BBX: variants seen among roughly 807,000 people sequenced by gnomAD.
The protein encoded by BBX is HMG box transcription factor BBX.
Under a neutral mutation model 100.2 loss-of-function variants are expected in BBX, and 30 were observed. That is an observed-to-expected ratio of 0.30 (90% CI 0.22 to 0.41). BBX has a LOEUF of 0.41. Ranked by LOEUF, BBX falls within the 10% of genes least tolerant of loss-of-function variation. The pLI is 1.00. For missense variants in BBX, 1,023 were observed against 1,129.8 expected, an observed-to-expected ratio of 0.91 and a Z score of 1.35; for synonymous variants, 376 against 388.1, an observed-to-expected ratio of 0.97 and a Z score of 0.37.
chr3:107,687,377 G>A (rs573472798), intron 3 of BBX, among the ~76,000 whole-genome samples: 2 of 150,676 alleles, frequency 1.3e-5, no homozygotes, highest in Admixed American at 6.6e-5. Flanking sequence ...GTGAAGGCCC[G>A]CATAGCTGAT....
At chr3:107,799,688 C>T (rs1312714335) in intron 16 of BBX, among the ~76,000 whole-genome samples, 2 of 152,168 alleles carry the variant, frequency 1.3e-5, no homozygotes, top group African/African-American at 2.4e-5. Context: ...CTGGTTTAGA[C>T]CATGCAGGGA....
rs779581143 is a variant in BBX, at chr3:107,778,400, A to G, written c.2084A>G (p.Lys695Arg). The change falls in exon 13 of 18, where the codon AAA (lysine) becomes AGA (arginine). Residue 695 changes from lysine to arginine, a missense_variant. Lys to Arg is a conservative substitution (Grantham distance 26). Transcript: ENST00000325805. ...GSAKLDEEFE[K>R]KFNSLPQYSP... Reference sequence around the variant, plus strand: ...GCAAAGCTGGATGAAGAATTTGAAAAAAAATTCAACAGCCTCCCTCAATAT... The same window carrying G: ...GCAAAGCTGGATGAAGAATTTGAAAGAAAATTCAACAGCCTCCCTCAATAT... The G allele has an allele frequency of 5.3e-5, 85 of 1,613,332 alleles. No individual in the cohort carries two copies. The East Asian group carries it at 1.8e-3, about 34-fold the overall frequency.
chr3:107,588,253 G>A (rs1007435356), intron 2 of BBX, among the ~76,000 whole-genome samples: 7 of 151,876 alleles, frequency 4.6e-5, no homozygotes, highest in Admixed American at 4.6e-4. Flanking sequence ...CTTAGATGAT[G>A]GTTAGGCCTT....
At chr3:107,777,685 C>A (rs984922223) in intron 12 of BBX, among the ~76,000 whole-genome samples, 1 of 152,180 alleles carries the variant, frequency 6.6e-6, no homozygotes. Flanking sequence ...TTTCTGAAGT[C>A]ATTGATGATT....
chr3:107,707,419 A>G (rs2061456424), intron 3 of BBX, among the ~76,000 whole-genome samples: 1 of 152,224 alleles, frequency 6.6e-6, no homozygotes, highest in Admixed American at 6.5e-5. Flanking sequence ...AATTTGGCAC[A>G]GGAGTTTGTG....
chr3:107,584,687 T>A (rs1466502844), intron 2 of BBX, among the ~76,000 whole-genome samples: 1 of 115,532 alleles, frequency 8.7e-6, no homozygotes, highest in Non-Finnish European at 1.8e-5. Flanking sequence ...TTTTTTTTTT[T>A]TTTTTTTTTT....
At chr3:107,692,504 T>C (rs1046024835) in intron 3 of BBX, among the ~76,000 whole-genome samples, 7 of 152,192 alleles carry the variant, frequency 4.6e-5, no homozygotes, top group African/African-American at 1.4e-4. Context: ...TTCATCCATG[T>C]CCCTACAAAG....
chr3:107,737,884 GTTTTTTTTTT>G (rs1156396951), intron 7 of BBX, among the ~76,000 whole-genome samples: 528 of 48,926 alleles, frequency 0.011, 8 homozygotes, highest in Non-Finnish European at 0.015. Context: ...CAGAGTTCCA[GTTTTTTTTTT>G]TTTTTTTTTT....
At chr3:107,651,963 C>G (rs2057865071) in intron 3 of BBX, among the ~76,000 whole-genome samples, 1 of 152,170 alleles carries the variant, frequency 6.6e-6, no homozygotes, top group Admixed American at 6.5e-5. Context: ...AGGGGCTTTA[C>G]TGGTTCAACC....
chr3:107,692,202 A>ATTTATTTATTTAT (rs1330808822), intron 3 of BBX, among the ~76,000 whole-genome samples: 1 of 145,252 alleles, frequency 6.9e-6, no homozygotes, highest in African/African-American at 2.7e-5. Flanking sequence ...TTATTTATTT[A>ATTTATTTATTTAT]TTATTATTAT....
intron 2 of BBX, among the ~76,000 whole-genome samples, chr3:107,561,574 T>A (rs1257524538): frequency 6.6e-6 from 1 of 152,184 alleles, no homozygotes; most frequent in Non-Finnish European, 1.5e-5. Context: ...TTATTATGGA[T>A]TAATCACAAC....
intron 2 of BBX, among the ~76,000 whole-genome samples, chr3:107,578,164 C>T (rs141214586): frequency 6.6e-6 from 1 of 152,284 alleles, no homozygotes; most frequent in Non-Finnish European, 1.5e-5. Flanking sequence ...AAAATTCCTG[C>T]CATTGCTCTG....
chr3:107,548,743 G>A (rs2049429545), intron 2 of BBX, among the ~76,000 whole-genome samples: 1 of 152,128 alleles, frequency 6.6e-6, no homozygotes, highest in African/African-American at 2.4e-5. Flanking sequence ...CAACCTAGGT[G>A]CCCATCAACA....
At chr3:107,798,301 G>T (rs574315598) in intron 15 of BBX, among the ~76,000 whole-genome samples, 37 of 152,140 alleles carry the variant, frequency 2.4e-4, no homozygotes, top group Non-Finnish European at 4.3e-4. Flanking sequence ...AAAAAGAGGG[G>T]GTGTCTTAAT....
chr3:107,665,733 G>A (rs913584672), intron 3 of BBX, among the ~76,000 whole-genome samples: 5 of 152,056 alleles, frequency 3.3e-5, no homozygotes, highest in African/African-American at 7.2e-5. Flanking sequence ...CCCTCAACCC[G>A]ACAGCCATGC....
intron 2 of BBX, among the ~76,000 whole-genome samples, chr3:107,623,410 A>C (rs2055930747): frequency 6.6e-6 from 1 of 152,206 alleles, no homozygotes; most frequent in African/African-American, 2.4e-5. Context: ...AATAGAGAAA[A>C]TGGTACTTCA....
At chr3:107,750,061 A>T (rs1251562073) in intron 9 of BBX, among the ~76,000 whole-genome samples, 1 of 152,184 alleles carries the variant, frequency 6.6e-6, no homozygotes, top group African/African-American at 2.4e-5. Flanking sequence ...ATGAGATCCC[A>T]TGCCTTTCAT....
At chr3:107,757,731 A>C (rs1035438066) in intron 10 of BBX, among the ~76,000 whole-genome samples, 18 of 152,158 alleles carry the variant, frequency 1.2e-4, no homozygotes, top group African/African-American at 4.1e-4. Flanking sequence ...TTTTTATTGC[A>C]TGTGTACTTG....
intron 3 of BBX, among the ~76,000 whole-genome samples, chr3:107,691,600 T>C (rs1364381753): frequency 2.0e-5 from 3 of 152,198 alleles, no homozygotes; most frequent in Non-Finnish European, 4.4e-5. Flanking sequence ...TGCTCAACAC[T>C]AGTTATATAG....
Sources: allele counts gnomAD v4.1 joint callset (sites outside exome capture counted in the v4.1 genomes callset), GRCh38; gene constraint gnomAD v4.1.1; transcripts MANE v1.5; gene names NCBI Gene and HGNC (gene_info 2026-07-23, HGNC 2026-07-21).